MEI1: variants seen among roughly 807,000 people sequenced by gnomAD.
The protein encoded by MEI1 is meiotic double-stranded break formation protein 1.
A neutral mutation model predicts 146.2 loss-of-function variants in MEI1; 103 were observed. The observed-to-expected ratio is 0.70, with a 90% CI of 0.60 to 0.83. The LOEUF (loss-of-function observed/expected upper bound fraction) is 0.83. Ranked by LOEUF, MEI1 falls within the 40% of genes least tolerant of loss-of-function variation. MEI1 has a pLI of 0.00. For missense variants in MEI1, 1,529 were observed against 1,533.0 expected, an observed-to-expected ratio of 1.00 and a Z score of 0.04; for synonymous variants, 652 against 628.2, an observed-to-expected ratio of 1.04 and a Z score of -0.57.
intron 1 of MEI1, among the ~76,000 whole-genome samples, chr22:41,701,696 G>T (rs2068733734): frequency 6.6e-6 from 1 of 152,130 alleles, no homozygotes; most frequent in Non-Finnish European, 1.5e-5. Context: ...AAGAGAACAT[G>T]TTAGAACTTA....
In MEI1 at chr22:41,795,632, A is replaced by G. The variant is rs139559; in HGVS notation, c.3666+90A>G. On this transcript the variant is annotated intron_variant, in intron 29 of 30. Transcript: ENST00000401548. This position sits in a 1 kb window ranked among gnomAD's most constrained non-coding sequence, Gnocchi z 4.2. ...GAGGGTGGGAGCTCTGGCCACAGCA[A>G]CCAAGGAATGGGAGGAGGGAAGTAC... The G allele has an allele frequency of 0.25, 393,523 of 1,592,860 alleles. 59,357 individuals carry two copies. Among genetic ancestry groups the G allele is most frequent in the African/African-American group, 0.6 (44,545 of 74,552 alleles).
chr22:41,751,633 G>A (rs1430792293), intron 15 of MEI1, among the ~76,000 whole-genome samples: 8 of 152,074 alleles, frequency 5.3e-5, no homozygotes, highest in African/African-American at 1.4e-4. Flanking sequence ...TTAGCTGGGC[G>A]TGGTGGCGCG....
At chr22:41,725,686 T>C (rs1035570650) in intron 7 of MEI1, among the ~76,000 whole-genome samples, 6 of 152,214 alleles carry the variant, frequency 3.9e-5, no homozygotes, top group African/African-American at 1.2e-4. Context: ...CCTCTGCCTA[T>C]AGGGCATTTC....
chr22:41,772,234 A>G (rs979833032), intron 20 of MEI1, among the ~76,000 whole-genome samples: 11 of 151,822 alleles, frequency 7.2e-5, no homozygotes, highest in African/African-American at 2.7e-4. Flanking sequence ...ATTTATTTTT[A>G]TTTTTTTTCT....
At chr22:41,734,627 G>A (rs147368716) in intron 11 of MEI1, among the ~76,000 whole-genome samples, 1 of 152,132 alleles carries the variant, frequency 6.6e-6, no homozygotes, top group Non-Finnish European at 1.5e-5. Flanking sequence ...AATGTAAATA[G>A]TTGTCATGCT....
At chr22:41,798,683 C>T (rs1056925076) in intron 30 of MEI1, among the ~76,000 whole-genome samples, 3 of 151,936 alleles carry the variant, frequency 2.0e-5, no homozygotes, top group South Asian at 2.1e-4. Flanking sequence ...GCCTGGCCTA[C>T]ATGGTAAAAC....
chr22:41,771,532 T>G (rs1009091135), intron 20 of MEI1, among the ~76,000 whole-genome samples: 1 of 151,982 alleles, frequency 6.6e-6, no homozygotes. Flanking sequence ...ACCTCCCGGG[T>G]TCACGCAATT....
intron 7 of MEI1, 133 bp downstream of exon 7, chr22:41,724,206 G>A (rs1224643967): frequency 8.7e-7 from 1 of 1,148,226 alleles, no homozygotes; most frequent in Non-Finnish European, 1.2e-6. Flanking sequence ...TAATATACTG[G>A]CTGGGGGCGG....
Position 41,743,168 on chromosome 22 carries a change from C to G in MEI1, c.1420C>G (p.Gln474Glu). 1 of 1,613,078 alleles carries G rather than the reference C, an allele frequency of 6.2e-7. No homozygotes were observed. Among genetic ancestry groups the G allele is most frequent in the Non-Finnish European group, 8.5e-7 (1 of 1,179,692 alleles). ...AMLNRCAEFS[Q>E]TLLSRRPLGH... ...GCTAAACCGATGTGCGGAGTTTTCC[C>G]AGACCTTGCTGAGCAGGAGGCCCCT... is the stretch of plus-strand genomic sequence containing the variant. Residue 474 changes from glutamine (Q) to glutamate (E), a missense_variant, in exon 12 of 31, where the codon CAG (glutamine) becomes GAG (glutamate). Transcript: ENST00000401548.
rs1000270736 is a variant in MEI1 at position 41,795,036 on chromosome 22, T to C, written c.3535-375T>C. 1.3e-5 allele frequency among the ~76,000 whole-genome samples: 2 copies of C among 152,082 alleles called. No individual in the cohort carries two copies. Among genetic ancestry groups the C allele is most frequent in the Non-Finnish European group, 2.9e-5 (2 of 68,002 alleles). On this transcript the variant is annotated intron_variant, in intron 28 of 30. Coordinates refer to ENST00000401548, the MANE Select transcript of MEI1 (RefSeq NM_152513.4). The surrounding 1 kb of genome is among the most constrained non-coding windows in gnomAD (Gnocchi z 4.2). ...AACATTTTAGCTGTGGCTTGAGAGA[T>C]TAATAGGCAGAGAGGAGGAAAGGTA...
rs2073152009 is a variant in MEI1, at chr22:41,744,681, G to A, written c.1447-292G>A. Among the ~76,000 whole-genome samples the A allele has an allele frequency of 8.6e-5, 3 of 34,812 alleles. No individual in the cohort carries two copies. In the South Asian group the frequency reaches 2.4e-3, roughly 27 times the overall value. The allele number at this position is 34,812 out of a possible 152,430, so 22.8% of individuals were successfully genotyped here. A position where few individuals can be genotyped will look rare whatever the true frequency, so the allele number is the denominator to read the frequency against. The stretch of plus-strand genomic sequence containing the variant: ...CCCGGCTAATTTTTTTGTATTTTTA[G>A]TAGAGACGGGGTTTCACCGTTTTAG... On this transcript the variant is annotated intron_variant, in intron 12 of 30. Coordinates refer to ENST00000401548, the MANE Select transcript of MEI1 (RefSeq NM_152513.4).
chr22:41,736,176 T>C (rs945108996), intron 11 of MEI1, among the ~76,000 whole-genome samples: 1 of 152,174 alleles, frequency 6.6e-6, no homozygotes. Flanking sequence ...GTGACTACAT[T>C]GTCTTCTCTT....
At chr22:41,736,700 T>C in intron 11 of MEI1, among the ~76,000 whole-genome samples, 1 of 152,238 alleles carries the variant, frequency 6.6e-6, no homozygotes, top group East Asian at 1.9e-4. Flanking sequence ...TGGCTGCCTC[T>C]CTCTCATAAG....
At chr22:41,760,205 G>T (rs562709798) in intron 18 of MEI1, among the ~76,000 whole-genome samples, 58 of 152,202 alleles carry the variant, frequency 3.8e-4, no homozygotes, top group African/African-American at 1.4e-3. Context: ...AGCTACTCGG[G>T]AGGCTGAGGC....
rs761416694 is a variant in MEI1 at position 41,758,324 on chromosome 22, A to G, written c.1952-41A>G. ...TAATGTGCTGATTACCTGTTCTTCT[A>G]TGTTCTCTGTGTGGCTTTCCTCTAC... is the stretch of plus-strand genomic sequence containing the variant. On this transcript the variant is annotated intron_variant, in intron 17 of 30. Transcript: ENST00000401548. 1.2e-5 allele frequency: 19 copies of G among 1,587,590 alleles called. No individual in the cohort carries two copies. The Middle Eastern group carries it at 6.7e-4, about 56-fold the overall frequency.
intron 15 of MEI1, among the ~76,000 whole-genome samples, chr22:41,751,670 G>A (rs2147852051): frequency 6.6e-6 from 1 of 152,102 alleles, no homozygotes. Flanking sequence ...TACTCAGGAG[G>A]CTGAGGCAGG....
At chr22:41,738,158 A>G (rs1476668115) in intron 11 of MEI1, among the ~76,000 whole-genome samples, 3 of 152,080 alleles carry the variant, frequency 2.0e-5, no homozygotes, top group Admixed American at 6.6e-5. Flanking sequence ...CTACAAAACA[A>G]TATAAAATAA....
intron 9 of MEI1, among the ~76,000 whole-genome samples, chr22:41,730,930 G>A (rs1015651632): frequency 6.6e-6 from 1 of 151,926 alleles, no homozygotes; most frequent in African/African-American, 2.4e-5. Flanking sequence ...TCTAAACAGT[G>A]TTACTCAACC....
chr22:41,736,503 T>C (rs1260142653), intron 11 of MEI1, among the ~76,000 whole-genome samples: 2 of 152,144 alleles, frequency 1.3e-5, no homozygotes, highest in African/African-American at 2.4e-5. Context: ...TCTGCGTGCC[T>C]CTGCCTCTCA....
Sources: allele counts gnomAD v4.1 joint callset (sites outside exome capture counted in the v4.1 genomes callset), GRCh38; gene constraint gnomAD v4.1.1; non-coding constraint Gnocchi (gnomAD v3.1); transcripts MANE v1.5; gene names NCBI Gene and HGNC (gene_info 2026-07-23, HGNC 2026-07-21).